Variants in MYT1 observed in about 807,000 individuals in gnomAD.
MYT1 encodes the protein myelin transcription factor I.
A neutral mutation model predicts 123.0 loss-of-function variants in MYT1; 23 were observed. The ratio of observed to expected loss-of-function variants is 0.19; its 90% CI spans 0.13 to 0.26. The LOEUF is 0.26. Among genes scored for constraint, MYT1 ranks in the 10% least tolerant of loss-of-function variants. The pLI is 1.00. For synonymous variants in MYT1, 518 were observed against 575.3 expected (o/e 0.90, Z 1.43); for missense variants, 1,125 against 1,472.5 (o/e 0.76, Z 3.86).
At chr20:64,229,707 A>G (rs983635634) in intron 18 of MYT1, among the ~76,000 whole-genome samples, 1 of 152,254 alleles carries the variant, frequency 6.6e-6, no homozygotes, top group Non-Finnish European at 1.5e-5. Context: ...GTCAGCATGC[A>G]TGAGCTGTGA....
At chr20:64,165,463 A>G (rs879686924) in intron 1 of MYT1, among the ~76,000 whole-genome samples, 2 of 152,162 alleles carry the variant, frequency 1.3e-5, no homozygotes, top group Non-Finnish European at 2.9e-5. Flanking sequence ...TGAACACCCT[A>G]ATGCCATTGT....
intron 1 of MYT1, among the ~76,000 whole-genome samples, chr20:64,182,982 A>G (rs1407086290): frequency 6.6e-6 from 1 of 152,158 alleles, no homozygotes; most frequent in East Asian, 1.9e-4. Flanking sequence ...ACCACAGCCC[A>G]AGTTTAGACC....
intron 3 of MYT1, among the ~76,000 whole-genome samples, 172 bp downstream of exon 3, chr20:64,199,088 G>A (rs531565324): frequency 2.0e-4 from 30 of 152,346 alleles, no homozygotes; most frequent in African/African-American, 7.2e-4. Context: ...CATCTAAGAG[G>A]GCTGCTGAGG....
Position 64,219,896 on chromosome 20 carries a change from T to C in MYT1, c.2155T>C (p.Ser719Pro), listed in dbSNP as rs1983952580. The change falls in exon 13 of 23, where the codon TCC (serine) becomes CCC (proline). Residue 719 changes from serine (S) to proline (P), a missense_variant. This residue lies in a region of MYT1 where 429 missense variants were observed against 604.1 expected (regional missense o/e 0.71). Transcript: ENST00000328439. ...APSSSMTSPQ[S>P]SQASRQDEWD... is the part of the protein sequence containing the mutation. ...CAGCAGCTCCATGACCTCTCCCCAGTCCAGCCAGGCCTCCCGCCAGGACGA... is the reference window on the plus strand; with the variant it reads ...CAGCAGCTCCATGACCTCTCCCCAGCCCAGCCAGGCCTCCCGCCAGGACGA... 6.3e-7 allele frequency: 1 copy of C among 1,575,276 alleles called. No individual in the cohort carries two copies. The highest frequency in any genetic ancestry group is 1.2e-5 in the South Asian group (1 of 86,898).
intron 13 of MYT1, 142 bp from the exon 14 acceptor site, chr20:64,221,751 C>A: frequency 1.2e-6 from 1 of 826,364 alleles, no homozygotes; most frequent in Non-Finnish European, 1.8e-6. Flanking sequence ...TTAAGTCTTC[C>A]TCCCTTATCC....
Position 64,227,488 on chromosome 20 carries a change from C to G in MYT1, c.2591+11C>G, listed in dbSNP as rs369512343. 1 of 1,611,742 alleles carries G rather than the reference C, an allele frequency of 6.2e-7. No homozygotes were observed. Among genetic ancestry groups the G allele is most frequent in the African/African-American group, 1.3e-5 (1 of 74,920 alleles). ...CGCTTCACACCGGAGGTGAGCCTGC[C>G]ACACCCTCAGGTCCTGGGCCCCAGG... On this transcript the variant is annotated intron_variant, in intron 17 of 22. Coordinates refer to ENST00000328439, the MANE Select transcript of MYT1 (RefSeq NM_004535.3).
chr20:64,203,043 G>A lies in MYT1; in HGVS notation c.87-1992G>A, dbSNP rs1051282788. Reference sequence around the variant, plus strand: ...CCCTGGCTGGGTCTCTTGTCCACTCGGCTGTGGGGTGGGGAGCAGGCATCT... The same window carrying A: ...CCCTGGCTGGGTCTCTTGTCCACTCAGCTGTGGGGTGGGGAGCAGGCATCT... On this transcript the variant is annotated intron_variant, in intron 4 of 22. Transcript: ENST00000328439. This position sits in a 1 kb window ranked among gnomAD's most constrained non-coding sequence, Gnocchi z 5.1. Among the ~76,000 whole-genome samples, 1 of 152,198 alleles carries A rather than the reference G, an allele frequency of 6.6e-6. No individual in the cohort carries two copies. The highest frequency in any genetic ancestry group is 1.5e-5 in the Non-Finnish European group (1 of 68,032).
chr20:64,204,235 G>A (rs1272316040), intron 4 of MYT1, among the ~76,000 whole-genome samples: 1 of 152,222 alleles, frequency 6.6e-6, no homozygotes, highest in Non-Finnish European at 1.5e-5. Context: ...ATGCTCAGAA[G>A]TTTCCAGAGC....
intron 16 of MYT1, among the ~76,000 whole-genome samples, chr20:64,223,582 T>C (rs972466670): frequency 1.3e-5 from 2 of 152,034 alleles, no homozygotes; most frequent in African/African-American, 4.8e-5. Flanking sequence ...TGTTTGCCTC[T>C]CCGCTGGGGG....
intron 1 of MYT1, among the ~76,000 whole-genome samples, chr20:64,170,931 A>AGAGAGAGAGACGGAGT (rs1982258308): frequency 2.4e-5 from 3 of 126,218 alleles, no homozygotes; most frequent in Non-Finnish European, 3.3e-5. Flanking sequence ...AGAGAGAGAG[A>AGAGAGAGAGACGGAGT]GAGACGGAGT....
chr20:64,223,873 C>T (rs933040266), intron 16 of MYT1, among the ~76,000 whole-genome samples: 18 of 152,168 alleles, frequency 1.2e-4, no homozygotes, highest in Non-Finnish European at 2.5e-4. Context: ...GCCCTGATGC[C>T]CTCCCCCCAT....
chr20:64,180,104 TAC>T (rs1982603762), intron 1 of MYT1, among the ~76,000 whole-genome samples: 1 of 150,156 alleles, frequency 6.7e-6, no homozygotes, highest in Non-Finnish European at 1.5e-5. Context: ...AGGTACATGC[TAC>T]ACACACGCTA....
Position 64,222,045 on chromosome 20 carries a change from C to T in MYT1, c.2394C>T (p.Leu798=). 7 of 1,612,426 alleles carry T rather than the reference C, an allele frequency of 4.3e-6. No individual in the cohort carries two copies. The highest frequency in any genetic ancestry group is 5.9e-6 in the Non-Finnish European group (7 of 1,179,942). The change falls in exon 14 of 23, where the codon CTC becomes CTT. Residue 798 remains leucine, a splice_region_variant and synonymous_variant. Transcript: ENST00000328439. ...FLSKDIKKEL[L]TCPTPGCDGS... is the part of the protein sequence containing the mutation. ...CCAAGGACATAAAGAAGGAGCTGCT[C>T]ACGTAAGTCCCTGTTTGGCTGGCAC...
Position 64,168,777 on chromosome 20 carries a change from G to C in MYT1, c.-99+4038G>C, listed in dbSNP as rs2145686251. Among the ~76,000 whole-genome samples the C allele has an allele frequency of 6.6e-6, 1 of 152,354 alleles. No individual in the cohort carries two copies. Among genetic ancestry groups the C allele is most frequent in the East Asian group, 1.9e-4 (1 of 5,182 alleles). ...GCACGGCCTGTGCCAGGAGGGTGCA[G>C]GTTGGATGGTCCTCAGGAAGTAGGC... On this transcript the variant is annotated intron_variant, in intron 1 of 22. Transcript: ENST00000328439. The surrounding 1 kb of genome is among the most constrained non-coding windows in gnomAD (Gnocchi z 6.1).
chr20:64,222,084 C>T (rs751818117), intron 14 of MYT1, 37 bp downstream of exon 14: 1 of 1,608,546 alleles, frequency 6.2e-7, no homozygotes, highest in Admixed American at 1.7e-5. Flanking sequence ...TCCTAGGGGA[C>T]CCTCTGTGGC....
chr20:64,173,347 G>A (rs1456148420), intron 1 of MYT1, among the ~76,000 whole-genome samples: 1 of 152,096 alleles, frequency 6.6e-6, no homozygotes, highest in African/African-American at 2.4e-5. Context: ...TGATAGAGTG[G>A]GTGTCTTTTG....
chr20:64,206,389 C>G (rs1374023765), intron 6 of MYT1, among the ~76,000 whole-genome samples: 1 of 152,162 alleles, frequency 6.6e-6, no homozygotes, highest in African/African-American at 2.4e-5. Context: ...GTGGGGTCTA[C>G]CAGGACTGCC....
chr20:64,172,619 G>A (rs1287364821), intron 1 of MYT1, among the ~76,000 whole-genome samples: 1 of 152,184 alleles, frequency 6.6e-6, no homozygotes, highest in Non-Finnish European at 1.5e-5. Context: ...CGAAAATGCT[G>A]GAGCAGAATT....
chr20:64,198,007 C>T (rs35639082), intron 2 of MYT1, among the ~76,000 whole-genome samples: 15,159 of 152,184 alleles, frequency 0.1, 987 homozygotes, highest in South Asian at 0.17. Flanking sequence ...TCTGCTGGGC[C>T]GGGCGCGGTG....
Sources: allele counts gnomAD v4.1 joint callset (sites outside exome capture counted in the v4.1 genomes callset), GRCh38; gene constraint gnomAD v4.1.1; regional missense constraint gnomAD v4.1.1; non-coding constraint Gnocchi (gnomAD v3.1); transcripts MANE v1.5; gene names NCBI Gene and HGNC (gene_info 2026-07-23, HGNC 2026-07-21).